Variants in TARBP1 observed in about 807,000 individuals in gnomAD.
TARBP1 encodes the protein tRNA guanosine 2 -O-methyltransferase TARBP1.
In TARBP1, 144 loss-of-function variants were observed where a neutral mutation model predicts 178.6. The observed-to-expected ratio is 0.81, with a 90% CI of 0.70 to 0.93. The LOEUF (loss-of-function observed/expected upper bound fraction) is 0.93. Ranked by LOEUF, TARBP1 falls within the 40% of genes least tolerant of loss-of-function variation. The pLI is 0.00. For synonymous variants in TARBP1, 787 were observed against 781.0 expected (o/e 1.01, Z -0.13); for missense variants, 2,067 against 2,011.7 (o/e 1.03, Z -0.53).
At chr1:234,425,824 T>C in intron 19 of TARBP1, 31 bp from the exon 20 acceptor site, 1 of 1,466,618 alleles carries the variant, frequency 6.8e-7, no homozygotes. Context: ...ATTATGTTAA[T>C]ACATTTTGAA....
chr1:234,439,020 G>GA (rs1665319293), intron 12 of TARBP1, among the ~76,000 whole-genome samples: 1 of 152,140 alleles, frequency 6.6e-6, no homozygotes. Flanking sequence ...TTTATATCCA[G>GA]AAAAAATATC....
chr1:234,421,014 A>T (rs1663022614), intron 20 of TARBP1, among the ~76,000 whole-genome samples: 2 of 152,232 alleles, frequency 1.3e-5, no homozygotes, highest in South Asian at 4.1e-4. Context: ...TGAGTGATTA[A>T]GAAAAATAAA....
chr1:234,401,310 T>A (rs1466951685), intron 24 of TARBP1, 48 bp from the exon 25 acceptor site: 11 of 1,411,556 alleles, frequency 7.8e-6, no homozygotes, highest in Non-Finnish European at 1.1e-5. Context: ...GAAACAACTC[T>A]GGTGAGGGGA....
chr1:234,420,684 A>G lies in TARBP1; in HGVS notation c.3555+18T>C, dbSNP rs1662981656. 2 of 1,528,272 alleles carry G rather than the reference A, an allele frequency of 1.3e-6. No individual in the cohort carries two copies. The highest frequency in any genetic ancestry group is 2.3e-5 in the South Asian group (2 of 85,448). The allele number at this position is 1,528,272 out of a possible 1,614,324, so 94.7% of individuals were successfully genotyped here. On this transcript the variant is annotated intron_variant, in intron 21 of 29. Coordinates refer to ENST00000040877, the MANE Select transcript of TARBP1 (RefSeq NM_005646.4). ...AATCATATGCTTCAAAGGTACAAAT[A>G]TAATAAAAATATGATACCTGGTCAA...
intron 5 of TARBP1, among the ~76,000 whole-genome samples, chr1:234,464,215 A>C (rs1187840133): frequency 1.3e-5 from 2 of 152,234 alleles, no homozygotes; most frequent in East Asian, 3.8e-4. Context: ...GAATCTTGCT[A>C]AACAGTATCA....
At chr1:234,433,887 G>A (rs1664733472) in intron 13 of TARBP1, among the ~76,000 whole-genome samples, 1 of 152,124 alleles carries the variant, frequency 6.6e-6, no homozygotes, top group African/African-American at 2.4e-5. Context: ...CCTAGGGCTA[G>A]TACATCATAA....
intron 9 of TARBP1, among the ~76,000 whole-genome samples, chr1:234,455,333 T>C (rs1572369922): frequency 6.6e-6 from 1 of 152,194 alleles, no homozygotes; most frequent in African/African-American, 2.4e-5. Flanking sequence ...GACTCCATTC[T>C]GCAGATGTAC....
chr1:234,434,569 C>A (rs976197653), intron 13 of TARBP1, among the ~76,000 whole-genome samples: 16 of 152,138 alleles, frequency 1.1e-4, no homozygotes, highest in African/African-American at 3.6e-4. Flanking sequence ...ACCTGGAGAA[C>A]CTCCTGTAGG....
At chr1:234,433,637 C>T in intron 13 of TARBP1, 66 bp from the exon 14 acceptor site, 1 of 1,474,340 alleles carries the variant, frequency 6.8e-7, no homozygotes, top group South Asian at 1.3e-5. Context: ...AACTACAAGC[C>T]TTCAGGCAGG....
chr1:234,408,188 T>C (rs531282627), intron 23 of TARBP1, among the ~76,000 whole-genome samples: 6 of 152,082 alleles, frequency 3.9e-5, no homozygotes, highest in Admixed American at 3.3e-4. Flanking sequence ...ACTATGAGCA[T>C]AATTAAGAAA....
chr1:234,468,012 C>T (rs1668627645), intron 3 of TARBP1, among the ~76,000 whole-genome samples: 1 of 152,118 alleles, frequency 6.6e-6, no homozygotes, highest in Non-Finnish European at 1.5e-5. Flanking sequence ...CTCCTGAGTT[C>T]AAGTGATCCT....
At chr1:234,463,622 C>T (rs985095277) in intron 6 of TARBP1, among the ~76,000 whole-genome samples, 2 of 152,170 alleles carry the variant, frequency 1.3e-5, no homozygotes, top group African/African-American at 4.8e-5. Flanking sequence ...CTCCATGCTA[C>T]TCATGCCAAT....
Position 234,425,786 on chromosome 1 carries a change from T to C in TARBP1, c.3331A>G (p.Arg1111Gly), listed in dbSNP as rs994428051. The part of the protein sequence containing the change: ...AANIVMENTK[R>G]EDHYVRICAV... Reference sequence around the variant, plus strand: ...CAAATTCTCACATAATGGTCTTCTCTCTTAGTACTAAAAAAATTAAATGAT... The same window carrying C: ...CAAATTCTCACATAATGGTCTTCTCCCTTAGTACTAAAAAAATTAAATGAT... The change falls in exon 20 of 30, where the codon AGA becomes GGA. Residue 1111 changes from arginine to glycine, a missense_variant. Arg to Gly is a moderately radical substitution (Grantham distance 125). Coordinates refer to ENST00000040877, the MANE Select transcript of TARBP1 (RefSeq NM_005646.4). The C allele has an allele frequency of 6.4e-6, 10 of 1,560,778 alleles. 1 individual carries two copies. The Middle Eastern group carries it at 1.3e-3, about 198-fold the overall frequency.
At chr1:234,413,349 C>T (rs913498806) in intron 22 of TARBP1, among the ~76,000 whole-genome samples, 11 of 152,314 alleles carry the variant, frequency 7.2e-5, no homozygotes, top group African/African-American at 2.4e-4. Flanking sequence ...TGGCATGCAC[C>T]TGTAATCCCA....
intron 26 of TARBP1, among the ~76,000 whole-genome samples, chr1:234,396,973 T>A (rs185018926): frequency 2.6e-5 from 4 of 151,618 alleles, no homozygotes; most frequent in Admixed American, 2.6e-4. Flanking sequence ...GCAGGTGCAA[T>A]CTGAGGGCAG....
At chr1:234,450,646 T>C in intron 9 of TARBP1, 80 bp from the exon 10 acceptor site, 1 of 1,473,908 alleles carries the variant, frequency 6.8e-7, no homozygotes, top group South Asian at 1.3e-5. Context: ...GCCACGTTTC[T>C]TTCTTTCACG....
intron 8 of TARBP1, among the ~76,000 whole-genome samples, chr1:234,458,073 G>A (rs908552902): frequency 7.2e-5 from 11 of 151,998 alleles, no homozygotes; most frequent in South Asian, 2.1e-4. Context: ...GACAGGCGCG[G>A]TGGCTCACGC....
chr1:234,456,331 G>A (rs1391060972), intron 9 of TARBP1, among the ~76,000 whole-genome samples: 1 of 152,194 alleles, frequency 6.6e-6, no homozygotes, highest in Admixed American at 6.5e-5. Context: ...CTCCCAAGTA[G>A]CTGAGACTAC....
At position 234,479,052 on chromosome 1, in the gene TARBP1, CCCGGGGGT is replaced by C; in HGVS notation, c.44_51del (p.Asp15GlyfsTer105). The stretch of plus-strand genomic sequence containing the variant: ...CCTTGGCACAGCGCCCCAAGCAGGG[CCCGGGGGT>C]CCCGGCTCTGCGAGAGCAGCGCTTC... On this transcript the variant is annotated frameshift_variant, in exon 1 of 30. Transcript: ENST00000040877. LOFTEE classifies it high-confidence loss of function. 1 of 1,539,004 alleles carries C rather than the reference CCCGGGGGT, an allele frequency of 6.5e-7. No individual in the cohort carries two copies. The highest frequency in any genetic ancestry group is 8.7e-7 in the Non-Finnish European group (1 of 1,155,908).
Sources: allele counts gnomAD v4.1 joint callset (sites outside exome capture counted in the v4.1 genomes callset), GRCh38; gene constraint gnomAD v4.1.1; transcripts MANE v1.5; gene names NCBI Gene and HGNC (gene_info 2026-07-23, HGNC 2026-07-21).